The following ATF6 variants were observed in gnomAD, a reference collection of about 807,000 sequenced individuals.
The protein encoded by ATF6 is activating transcription factor 6.
ATF6 carries 53 observed loss-of-function variants against 83.6 expected under a neutral mutation model. The ratio of observed to expected loss-of-function variants is 0.63; its 90% CI spans 0.51 to 0.80. ATF6 has a LOEUF of 0.80. ATF6 is among the 30% of genes least tolerant of loss of function. The pLI, the probability that ATF6 is intolerant of heterozygous loss-of-function variation, is 0.00. For synonymous variants in ATF6, 288 were observed against 285.8 expected (o/e 1.01, Z -0.08); for missense variants, 744 against 797.9 (o/e 0.93, Z 0.81).
In ATF6 at chr1:161,846,471, A is replaced by C; in HGVS notation, c.1210A>C (p.Arg404=). 1.9e-6 allele frequency: 3 copies of C among 1,606,506 alleles called. No individual in the cohort carries two copies. The highest frequency in any genetic ancestry group is 2.5e-6 in the Non-Finnish European group (3 of 1,176,504). ...PMSMLEQDSR[R]MNPSVSPANQ... ...CAGCATGTTGGAACAGGATTCCAGG[A>C]GAATGAACCCTAGTGTGAGCCCTGC... The change falls in exon 10 of 16, where the codon AGA becomes CGA. Residue 404 remains arginine, a synonymous_variant. Coordinates refer to ENST00000367942, the MANE Select transcript of ATF6 (RefSeq NM_007348.4).
chr1:161,963,042 TTTC>T lies in ATF6; in HGVS notation c.*4392_*4394del, dbSNP rs1689132776. ...AACATTTGGAAGTGAATATTCCCAT[TTTC>T]TTCCACCCACAGGGATTGGGATTGA... On this transcript the variant is annotated 3_prime_UTR_variant, in exon 16 of 16. Transcript: ENST00000367942. 1 of 152,188 alleles carries T rather than the reference TTTC, an allele frequency of 6.6e-6. No individual in the cohort carries two copies. Among genetic ancestry groups the T allele is most frequent in the African/African-American group, 2.4e-5 (1 of 41,448 alleles). 9.4% of individuals were successfully genotyped at this position (152,188 alleles called of 1,614,324 possible).
chr1:161,854,229 AT>A (rs1476481554), intron 12 of ATF6, among the ~76,000 whole-genome samples: 1 of 152,118 alleles, frequency 6.6e-6, no homozygotes, highest in Non-Finnish European at 1.5e-5. Context: ...ATGGAATAAA[AT>A]TTTTTCACTT....
chr1:161,927,438 G>C (rs148132408), intron 15 of ATF6, among the ~76,000 whole-genome samples: 21 of 152,198 alleles, frequency 1.4e-4, no homozygotes, highest in African/African-American at 5.1e-4. Flanking sequence ...TAAAGTGCTG[G>C]GATTACAAGC....
At chr1:161,840,194 A>G (rs745479641) in intron 9 of ATF6, 1 of 152,182 alleles carries the variant, frequency 6.6e-6, no homozygotes, top group Non-Finnish European at 1.5e-5. Flanking sequence ...CATGTTTTAC[A>G]TGTGAGGAAT....
In ATF6 at chr1:161,815,916, G is replaced by A. The variant is rs111768204; in HGVS notation, c.910-3717G>A. On this transcript the variant is annotated intron_variant, in intron 7 of 15. Transcript: ENST00000367942. ...AATTGTGCCACTGCACTCCAGCCTG[G>A]GTGACAGAGTGAGATTCTTTCTCAA... is the stretch of plus-strand genomic sequence containing the variant. 9.8e-3 allele frequency among the ~76,000 whole-genome samples: 1,499 copies of A among 152,218 alleles called. 8 individuals are homozygous for A. Among genetic ancestry groups the A allele is most frequent in the South Asian group, 0.017 (84 of 4,816 alleles).
At chr1:161,839,189 C>T (rs1686295447) in intron 9 of ATF6, among the ~76,000 whole-genome samples, 1 of 152,010 alleles carries the variant, frequency 6.6e-6, no homozygotes, top group Non-Finnish European at 1.5e-5. Flanking sequence ...AAAGGAATAC[C>T]TCTTATGAAC....
intron 3 of ATF6, among the ~76,000 whole-genome samples, chr1:161,782,205 T>A (rs1203614759): frequency 6.6e-6 from 1 of 152,196 alleles, no homozygotes; most frequent in Non-Finnish European, 1.5e-5. Context: ...TATGTTTCAG[T>A]AGTGTAATGA....
At chr1:161,875,588 C>T (rs1483943978) in intron 14 of ATF6, among the ~76,000 whole-genome samples, 1 of 151,798 alleles carries the variant, frequency 6.6e-6, no homozygotes, top group Non-Finnish European at 1.5e-5. Context: ...CTTGAGGGTT[C>T]AAATTTTATC....
At chr1:161,807,756 T>TTG (rs1685327259) in intron 7 of ATF6, among the ~76,000 whole-genome samples, 4 of 152,112 alleles carry the variant, frequency 2.6e-5, no homozygotes, top group African/African-American at 4.8e-5. Context: ...ACAGCTTTTT[T>TTG]TTGTTGTTGT....
intron 7 of ATF6, among the ~76,000 whole-genome samples, chr1:161,812,423 C>G (rs1473251487): frequency 9.3e-6 from 1 of 107,560 alleles, no homozygotes; most frequent in South Asian, 3.4e-4. Context: ...GACGGAGTCT[C>G]GCTCTGTCGC....
intron 14 of ATF6, among the ~76,000 whole-genome samples, chr1:161,879,132 A>G (rs953616104): frequency 6.6e-6 from 1 of 152,096 alleles, no homozygotes; most frequent in Non-Finnish European, 1.5e-5. Context: ...GAGTTCATAG[A>G]TAGGACCTTA....
rs1367479450 is a variant in ATF6 at position 161,836,965 on chromosome 1, A to C, written c.1188-9484A>C. ...AAAACTACTATCAGAGTTTAAGTTG[A>C]GTACTTCGATATGTTCTTCAGACCA... On this transcript the variant is annotated intron_variant, in intron 9 of 15. Coordinates refer to ENST00000367942, the MANE Select transcript of ATF6 (RefSeq NM_007348.4). 2.0e-5 allele frequency among the ~76,000 whole-genome samples: 3 copies of C among 152,224 alleles called. No homozygotes were observed. In the East Asian group the frequency reaches 5.8e-4, roughly 29 times the overall value.
chr1:161,912,214 A>T, intron 14 of ATF6, 82 bp from the exon 15 acceptor site: 2 of 779,704 alleles, frequency 2.6e-6, no homozygotes, highest in Non-Finnish European at 4.0e-6. Context: ...CGAAATATTG[A>T]CCTCTTAGAA....
intron 13 of ATF6, 122 bp downstream of exon 13, chr1:161,860,399 T>A (rs939337438): frequency 8.3e-6 from 3 of 361,484 alleles, no homozygotes; most frequent in Non-Finnish European, 1.5e-5. Context: ...ATATTAGTCA[T>A]ATACTCTAAG....
chr1:161,766,426 G>T lies in ATF6; in HGVS notation c.66G>T (p.Arg22Ser). ...CTTTTAGCCCGGGACTCTTTCACAG[G>T]CTGGATGAAGATTGGGGTGAGTGGG... ...ESPFSPGLFH[R>S]LDEDWDSALF... Residue 22 changes from arginine to serine, a missense_variant, in exon 1 of 16, where the codon AGG becomes AGT. Physicochemically the swap from Arg to Ser is moderately radical, Grantham distance 110. Transcript: ENST00000367942. The T allele has an allele frequency of 6.2e-7, 1 of 1,613,312 alleles. No individual in the cohort carries two copies. Among genetic ancestry groups the T allele is most frequent in the Non-Finnish European group, 8.5e-7 (1 of 1,179,612 alleles).
chr1:161,796,701 C>T (rs894258579), intron 6 of ATF6, among the ~76,000 whole-genome samples: 2 of 152,138 alleles, frequency 1.3e-5, no homozygotes, highest in African/African-American at 4.8e-5. Context: ...GAAAGGACAA[C>T]CTTGATGGTT....
intron 7 of ATF6, among the ~76,000 whole-genome samples, chr1:161,806,334 C>T (rs1414010085): frequency 6.6e-6 from 1 of 152,196 alleles, no homozygotes; most frequent in Admixed American, 6.5e-5. Flanking sequence ...TTCCACCTAC[C>T]CATCATAATC....
chr1:161,959,880 T>G lies in ATF6; in HGVS notation c.*1226T>G, dbSNP rs1689060050. 6.6e-6 allele frequency: 1 copy of G among 152,168 alleles called. No homozygotes were observed. Among genetic ancestry groups the G allele is most frequent in the Non-Finnish European group, 1.5e-5 (1 of 68,032 alleles). The allele number at this position is 152,168 out of a possible 1,614,324, so 9.4% of individuals were successfully genotyped here. ...ATTCTTCTATTGAAATTATACCAAA[T>G]TCAGCTGAGGAATATGGAAGTAACT... On this transcript the variant is annotated 3_prime_UTR_variant, in exon 16 of 16. Transcript: ENST00000367942.
chr1:161,770,616 C>G (rs1229671369), intron 1 of ATF6, among the ~76,000 whole-genome samples: 2 of 152,126 alleles, frequency 1.3e-5, no homozygotes, highest in East Asian at 3.8e-4. Flanking sequence ...TAATTACCTC[C>G]TAAAGACTGT....
Sources: allele counts gnomAD v4.1 joint callset (sites outside exome capture counted in the v4.1 genomes callset), GRCh38; gene constraint gnomAD v4.1.1; transcripts MANE v1.5; gene names NCBI Gene and HGNC (gene_info 2026-07-23, HGNC 2026-07-21).